The following PIK3IP1 variants were observed in gnomAD, a reference collection of about 807,000 sequenced individuals.
PIK3IP1 encodes the protein phosphoinositide-3-kinase-interacting protein 1.
Under a neutral mutation model 30.7 loss-of-function variants are expected in PIK3IP1, and 28 were observed. The ratio of observed to expected loss-of-function variants is 0.91; its 90% confidence interval spans 0.68 to 1.25. The LOEUF (loss-of-function observed/expected upper bound fraction) is 1.25. Among genes scored for constraint, PIK3IP1 ranks in the 50% most tolerant of loss-of-function variants. The pLI is 0.00. For missense variants in PIK3IP1, 333 were observed against 346.2 expected (o/e 0.96, Z 0.30); for synonymous variants, 159 against 140.8 (o/e 1.13, Z -0.91).
intron 3 of PIK3IP1, chr22:31,290,628 G>C (rs907331950): frequency 2.0e-5 from 5 of 245,424 alleles, no homozygotes; most frequent in African/African-American, 1.1e-4. Context: ...GTTGTGAGCA[G>C]TGTGGGTCTA....
intron 5 of PIK3IP1, among the ~76,000 whole-genome samples, chr22:31,285,191 G>A (rs2049122101): frequency 1.3e-5 from 2 of 152,206 alleles, no homozygotes; most frequent in African/African-American, 4.8e-5. Flanking sequence ...AGGCAGTGCT[G>A]TGCCACACTG....
At chr22:31,285,535 A>G (rs2049124626) in intron 5 of PIK3IP1, among the ~76,000 whole-genome samples, 1 of 152,208 alleles carries the variant, frequency 6.6e-6, no homozygotes, top group Admixed American at 6.5e-5. Flanking sequence ...GTATCACCAT[A>G]TCTAACCCCC....
In PIK3IP1 at chr22:31,282,740, C is replaced by G. The variant is rs1461494315; in HGVS notation, c.*344G>C. The G allele has an allele frequency of 3.6e-6, 1 of 276,556 alleles. No homozygotes were observed. Among genetic ancestry groups the G allele is most frequent in the African/African-American group, 2.1e-5 (1 of 46,938 alleles). The allele number at this position is 276,556 out of a possible 1,614,324, so 17.1% of individuals were successfully genotyped here. On this transcript the variant is annotated 3_prime_UTR_variant, in exon 6 of 6. Coordinates refer to ENST00000215912, the MANE Select transcript of PIK3IP1 (RefSeq NM_052880.5). ...AGACTGAGGCCATCTTAGTAAAGCA[C>G]AGAGGAGCCTGGGGGAGCTCCCCGT...
At chr22:31,283,712 A>G (rs944115192) in intron 5 of PIK3IP1, among the ~76,000 whole-genome samples, 14 of 151,674 alleles carry the variant, frequency 9.2e-5, no homozygotes, top group Non-Finnish European at 1.8e-4. Context: ...GGCGTGAGCC[A>G]CTGCACCTGG....
chr22:31,292,136 G>A, intron 1 of PIK3IP1, 139 bp downstream of exon 1: 5 of 746,216 alleles, frequency 6.7e-6, no homozygotes, highest in South Asian at 1.8e-5. Context: ...AGGAAAGGAG[G>A]GGTGGAAAAG....
rs1392975654 is a variant in PIK3IP1 at position 31,283,069 on chromosome 22, G to C, written c.*15C>G. The C allele has an allele frequency of 1.3e-6, 2 of 1,573,000 alleles. No individual in the cohort carries two copies. The highest frequency in any genetic ancestry group is 1.7e-6 in the Non-Finnish European group (2 of 1,157,740). Reference sequence around the variant, plus strand: ...TGCACCAGTGTCTGCATGGGCTCCTGCCCACTGGGGGGGCTCAGGCCCCAG... The same window carrying C: ...TGCACCAGTGTCTGCATGGGCTCCTCCCCACTGGGGGGGCTCAGGCCCCAG... On this transcript the variant is annotated 3_prime_UTR_variant, in exon 6 of 6. Transcript: ENST00000215912.
intron 5 of PIK3IP1, among the ~76,000 whole-genome samples, chr22:31,283,832 C>T (rs1248497840): frequency 6.6e-6 from 1 of 152,122 alleles, no homozygotes; most frequent in Non-Finnish European, 1.5e-5. Context: ...GAAAACTGAC[C>T]TGATCATCCT....
chr22:31,285,700 C>T lies in PIK3IP1; in HGVS notation c.588-2412G>A, dbSNP rs529609902. 4.6e-5 allele frequency among the ~76,000 whole-genome samples: 7 copies of T among 152,296 alleles called. No individual in the cohort carries two copies. The East Asian group carries it at 1.3e-3, about 29-fold the overall frequency. On this transcript the variant is annotated intron_variant, in intron 5 of 5. Coordinates refer to ENST00000215912, the MANE Select transcript of PIK3IP1 (RefSeq NM_052880.5). Reference sequence around the variant, plus strand: ...TTTCTATTTTTCCTACTTTCCTTTGCAATTCAAAGCAAATTTACATGAGGC... The same window carrying T: ...TTTCTATTTTTCCTACTTTCCTTTGTAATTCAAAGCAAATTTACATGAGGC...
chr22:31,289,175 G>C (rs1365458954), intron 5 of PIK3IP1, 140 bp downstream of exon 5: 1 of 810,842 alleles, frequency 1.2e-6, no homozygotes. Flanking sequence ...AAGGTCAGCA[G>C]ATAAAGACTA....
At chr22:31,290,868 GC>G (rs1433454260) in intron 3 of PIK3IP1, 96 bp downstream of exon 3, 5 of 1,421,144 alleles carry the variant, frequency 3.5e-6, no homozygotes, top group Non-Finnish European at 4.6e-6. Context: ...GCGGAGCGGG[GC>G]CGGCCGGCAT....
At chr22:31,290,459 G>C (rs1164032878) in intron 3 of PIK3IP1, 1 of 153,598 alleles carries the variant, frequency 6.5e-6, no homozygotes, top group Non-Finnish European at 1.4e-5. Flanking sequence ...CTCTCTTGCT[G>C]CTTTGGGAGC....
intron 1 of PIK3IP1, among the ~76,000 whole-genome samples, 171 bp from the exon 2 acceptor site, chr22:31,291,467 GCA>G (rs772960746): frequency 2.1e-3 from 56 of 26,232 alleles, no homozygotes; most frequent in African/African-American, 6.2e-3. Flanking sequence ...CACGCCCCAC[GCA>G]CCCCCCCCCC....
intron 5 of PIK3IP1, among the ~76,000 whole-genome samples, chr22:31,287,014 C>T (rs1162576399): frequency 6.1e-5 from 6 of 98,658 alleles, no homozygotes; most frequent in Non-Finnish European, 1.2e-4. Context: ...CCATTACCCA[C>T]TTTTTTTTTT....
chr22:31,283,063 G>C lies in PIK3IP1; in HGVS notation c.*21C>G. On this transcript the variant is annotated 3_prime_UTR_variant, in exon 6 of 6. Coordinates refer to ENST00000215912, the MANE Select transcript of PIK3IP1 (RefSeq NM_052880.5). Reference sequence around the variant, plus strand: ...CTGTCCTGCACCAGTGTCTGCATGGGCTCCTGCCCACTGGGGGGGCTCAGG... The same window carrying C: ...CTGTCCTGCACCAGTGTCTGCATGGCCTCCTGCCCACTGGGGGGGCTCAGG... 1 of 1,561,234 alleles carries C rather than the reference G, an allele frequency of 6.4e-7. No homozygotes were observed. The highest frequency in any genetic ancestry group is 1.2e-5 in the South Asian group (1 of 86,570).
chr22:31,284,290 G>C (rs2049115312), intron 5 of PIK3IP1, among the ~76,000 whole-genome samples: 2 of 152,208 alleles, frequency 1.3e-5, no homozygotes, highest in South Asian at 4.1e-4. Flanking sequence ...TTTACCTGTG[G>C]CCAGCTGAGC....
intron 5 of PIK3IP1, among the ~76,000 whole-genome samples, chr22:31,287,576 C>T (rs1202710082): frequency 6.6e-6 from 1 of 151,814 alleles, no homozygotes; most frequent in African/African-American, 2.4e-5. Flanking sequence ...ATGATCTGCC[C>T]GCCTCGGCCT....
Position 31,291,062 on chromosome 22 carries a change from G to A in PIK3IP1, c.210C>T (p.Cys70=). The stretch of plus-strand genomic sequence containing the variant: ...CGCGCGGGTCCTCGTCCGGGTTTCG[G>A]CAGTAACTGTGATTGCCGGCCCCTA... The part of the protein sequence containing the change: ...PVSGAGNHSY[C]RNPDEDPRGP... Residue 70 remains cysteine (C), a synonymous_variant, in exon 3 of 6, where the codon TGC becomes TGT. Transcript: ENST00000215912. 7 of 1,561,124 alleles carry A rather than the reference G, an allele frequency of 4.5e-6. No homozygotes were observed. Among genetic ancestry groups the A allele is most frequent in the Non-Finnish European group, 6.1e-6 (7 of 1,151,960 alleles).
chr22:31,289,768 C>T (rs1481885569), intron 3 of PIK3IP1, 69 bp from the exon 4 acceptor site: 1 of 1,511,962 alleles, frequency 6.6e-7, no homozygotes, highest in South Asian at 1.2e-5. Context: ...TGAACCTGGC[C>T]TGAGTGTTAG....
intron 1 of PIK3IP1, 77 bp downstream of exon 1, chr22:31,292,198 G>T: frequency 7.1e-7 from 1 of 1,404,434 alleles, no homozygotes; most frequent in Non-Finnish European, 1.0e-6. Context: ...TGTCATCCTG[G>T]CCCTGTTTGG....
Sources: allele counts gnomAD v4.1 joint callset (sites outside exome capture counted in the v4.1 genomes callset), GRCh38; gene constraint gnomAD v4.1.1; transcripts MANE v1.5; gene names NCBI Gene and HGNC (gene_info 2026-07-23, HGNC 2026-07-21).